The following MMP28 variants were observed in gnomAD, a reference collection of about 807,000 sequenced individuals.
The protein encoded by MMP28 is matrix metalloproteinase-28.
Under a neutral mutation model 60.5 loss-of-function variants are expected in MMP28, and 55 were observed. The ratio of observed to expected loss-of-function variants is 0.91; its 90% CI spans 0.73 to 1.14. The LOEUF (loss-of-function observed/expected upper bound fraction) is 1.14, where lower values mean the gene tolerates loss of function less well. Among genes scored for constraint, MMP28 ranks in the 50% most tolerant of loss-of-function variants. The pLI is 0.00. For synonymous variants in MMP28, 318 were observed against 312.5 expected (o/e 1.02, Z -0.18); for missense variants, 686 against 738.3 (o/e 0.93, Z 0.82).
chr17:35,764,365 T>C, downstream of MMP28: 1 of 1,450,736 alleles, frequency 6.9e-7, no homozygotes, highest in Admixed American at 2.7e-5. Context: ...AGGGAGGCGG[T>C]GCCCGGGCCC....
intron 4 of MMP28, 22 bp from the exon 5 acceptor site, chr17:35,770,334 AG>A (rs762372135): frequency 1.3e-5 from 19 of 1,478,744 alleles, no homozygotes; most frequent in Non-Finnish European, 8.9e-6. Context: ...GCAGAAGGTC[AG>A]GGGGTGCCAC....
chr17:35,792,704 T>C (rs545143130), intron 1 of MMP28, among the ~76,000 whole-genome samples: 2 of 152,310 alleles, frequency 1.3e-5, no homozygotes, highest in Admixed American at 6.5e-5. Context: ...TGTATTATTG[T>C]TGTGGGGGAG....
downstream of MMP28, chr17:35,764,016 C>T: frequency 6.5e-7 from 1 of 1,543,300 alleles, no homozygotes; most frequent in Non-Finnish European, 8.8e-7. Flanking sequence ...GGTGTGAAGA[C>T]CCCCTTGTGG....
intron 1 of MMP28, among the ~76,000 whole-genome samples, chr17:35,783,185 A>G (rs2086555825): frequency 6.6e-6 from 1 of 152,246 alleles, no homozygotes; most frequent in African/African-American, 2.4e-5. Context: ...CAAAGTGAGA[A>G]TAAGTTCAAT....
At chr17:35,760,850 G>A in intron 2 of MMP28, 1 of 1,476,084 alleles carries the variant, frequency 6.8e-7, no homozygotes, top group Middle Eastern at 1.8e-4. Flanking sequence ...CCTAATAGAG[G>A]CCCTAGACAT....
chr17:35,762,233 G>T (rs191994929), downstream of MMP28, among the ~76,000 whole-genome samples: 1 of 152,000 alleles, frequency 6.6e-6, no homozygotes, highest in South Asian at 2.1e-4. Flanking sequence ...CAGGTGATCC[G>T]CCTGCTTCGG....
downstream of MMP28, among the ~76,000 whole-genome samples, chr17:35,763,788 T>C (rs2085872497): frequency 2.0e-5 from 3 of 151,892 alleles, no homozygotes; most frequent in South Asian, 6.2e-4. Context: ...TCCCAGCTAC[T>C]TGGGAGGCTG....
At chr17:35,760,931 C>T (rs1555601380), downstream of MMP28, 1 of 1,613,722 alleles carries the variant, frequency 6.2e-7, no homozygotes, top group South Asian at 1.1e-5. Flanking sequence ...CAGGGCACAG[C>T]CTTGGGAAGA....
exon 3 of MMP28, chr17:35,756,341 G>T: frequency 1.0e-6 from 1 of 960,822 alleles, no homozygotes; most frequent in South Asian, 4.8e-5. Flanking sequence ...CAGGCACTCG[G>T]TTCCTTTCTT....
chr17:35,779,412 G>T, intron 1 of MMP28, 89 bp from the exon 2 acceptor site: 1 of 1,057,040 alleles, frequency 9.5e-7, no homozygotes. Context: ...ATCCTGCCCA[G>T]TCTCACCTCT....
chr17:35,768,187 T>C (rs756058588), intron 6 of MMP28, 43 bp downstream of exon 6: 8 of 1,558,426 alleles, frequency 5.1e-6, no homozygotes, highest in Middle Eastern at 1.7e-4. Context: ...CTAAGAGATA[T>C]GGAAGGAGAG....
At chr17:35,763,732 A>G (rs1439787992), downstream of MMP28, among the ~76,000 whole-genome samples, 1 of 151,808 alleles carries the variant, frequency 6.6e-6, no homozygotes, top group African/African-American at 2.4e-5. Context: ...CCCCGTTTCT[A>G]TTAAAAATAC....
chr17:35,773,039 G>A, intron 4 of MMP28, 141 bp downstream of exon 4: 2 of 680,582 alleles, frequency 2.9e-6, no homozygotes, highest in East Asian at 5.5e-5. Context: ...ATTTTAGGAT[G>A]AGGAGACTGA....
intron 4 of MMP28, among the ~76,000 whole-genome samples, chr17:35,772,736 A>G (rs55858632): frequency 0.28 from 42,108 of 152,060 alleles, 7,195 homozygotes; most frequent in African/African-American, 0.48. Flanking sequence ...CTTCCCTGTC[A>G]GGGCTGTCGG....
chr17:35,771,732 TATATATATATATATATATATATAA>T lies in MMP28; in HGVS notation c.604+1424_605-1421del, dbSNP rs1399515950. 1.8e-4 allele frequency among the ~76,000 whole-genome samples: 13 copies of T among 70,794 alleles called. 1 individual carries two copies. The highest frequency in any genetic ancestry group is 6.2e-4 in the Admixed American group (4 of 6,500). The allele number at this position is 70,794 out of a possible 152,430, so 46.4% of individuals were successfully genotyped here. On this transcript the variant is annotated intron_variant, in intron 4 of 7. Coordinates refer to ENST00000605424, the MANE Select transcript of MMP28 (RefSeq NM_024302.5). ...ATATATATATATATATATATATATA[TATATATATATATATATATATATAA>T]AATTGTGTTCTTGCCCTCCTCTGCC...
intron 3 of MMP28, among the ~76,000 whole-genome samples, chr17:35,775,488 G>A (rs924670006): frequency 2.0e-5 from 3 of 152,222 alleles, no homozygotes; most frequent in Admixed American, 2.0e-4. Flanking sequence ...AGGGGGAGGA[G>A]AACTAAAAGC....
intron 2 of MMP28, among the ~76,000 whole-genome samples, chr17:35,758,817 G>A (rs1555600908): frequency 1.3e-5 from 2 of 152,204 alleles, no homozygotes; most frequent in African/African-American, 4.8e-5. Context: ...ACAGCCTTGG[G>A]AAGAGGGGAT....
intron 2 of MMP28, chr17:35,756,468 C>CA (rs1555600498): frequency 1.2e-6 from 1 of 822,680 alleles, no homozygotes; most frequent in Non-Finnish European, 1.5e-6. Context: ...GTTCCTCTTT[C>CA]ATTTTTTTTT....
At chr17:35,776,760 G>T (rs2143391272) in intron 3 of MMP28, among the ~76,000 whole-genome samples, 1 of 152,158 alleles carries the variant, frequency 6.6e-6, no homozygotes. Context: ...ATGGTGGCGT[G>T]CACCTGTAAT....
Sources: gnomAD v4.1 joint callset for allele counts (sites outside exome capture counted in the v4.1 genomes callset) on GRCh38, gnomAD v4.1.1 for gene constraint, MANE v1.5 for transcripts, NCBI Gene and HGNC (gene_info 2026-07-23, HGNC 2026-07-21) for gene names.